VARS1: variants seen among roughly 807,000 people sequenced by gnomAD.
The protein encoded by VARS1 is valine--tRNA ligase.
A neutral mutation model predicts 161.0 loss-of-function variants in VARS1; 92 were observed. The ratio of observed to expected loss-of-function variants is 0.57; its 90% confidence interval spans 0.48 to 0.68. The LOEUF is 0.68. Among genes scored for constraint, VARS1 ranks in the 30% least tolerant of loss-of-function variants. The probability of loss-of-function intolerance (pLI) is 0.00; values close to 1 mark genes in which losing one functional copy is unlikely to be tolerated. For synonymous variants in VARS1, 595 were observed against 682.5 expected, an observed-to-expected ratio of 0.87 and a Z score of 2.00; for missense variants, 1,338 against 1,695.9, an observed-to-expected ratio of 0.79 and a Z score of 3.71.
At chr6:31,788,191 G>T (rs987265810) in intron 8 of VARS1, among the ~76,000 whole-genome samples, 1 of 152,060 alleles carries the variant, frequency 6.6e-6, no homozygotes, top group African/African-American at 2.4e-5. Flanking sequence ...CTTGGCCATT[G>T]TATGTTATGT....
intron 2 of VARS1, among the ~76,000 whole-genome samples, chr6:31,793,713 T>C (rs1312764360): frequency 6.6e-6 from 1 of 152,070 alleles, no homozygotes; most frequent in Non-Finnish European, 1.5e-5. Context: ...CCTGACCTGG[T>C]AGAGTTAACA....
chr6:31,794,746 T>C, intron 2 of VARS1, 85 bp downstream of exon 2: 1 of 1,461,108 alleles, frequency 6.8e-7, no homozygotes, highest in South Asian at 1.4e-5. Flanking sequence ...TCTGATGTAC[T>C]ACCTTCTTGT....
chr6:31,781,714 A>G lies in VARS1; in HGVS notation c.2395T>C (p.Ser799Pro). ...ACCTGGTTGGGCCAGCCCAAAATGG[A>G]TAAGGGGAAGAGGCCAGAGGAGAAC... The part of the protein sequence containing the change: ...TWFSSGLFPL[S>P]ILGWPNQSED... The change falls in exon 20 of 30, where the codon TCC (serine) becomes CCC (proline). Residue 799 changes from serine (S) to proline (P), a missense_variant. Around this residue, in one of 3 missense-constraint regions of VARS1, gnomAD observed 902 missense variants for 1,090.3 expected, o/e 0.83. Transcript: ENST00000375663. This position sits in a 1 kb window ranked among gnomAD's most constrained non-coding sequence, Gnocchi z 6.8. 1 of 1,612,996 alleles carries G rather than the reference A, an allele frequency of 6.2e-7. No individual in the cohort carries two copies. Among genetic ancestry groups the G allele is most frequent in the Non-Finnish European group, 8.5e-7 (1 of 1,179,996 alleles).
Position 31,784,616 on chromosome 6 carries a change from G to C in VARS1, c.1446C>G (p.Asn482Lys). Reference protein sequence around the residue: ...TRLVNWSCTLNSAISDIEVDK... With the variant: ...TRLVNWSCTLKSAISDIEVDK... The stretch of plus-strand genomic sequence containing the variant: ...GCACCTCAATGTCAGAGATGGCGGA[G>C]TTGAGGGTGCAGGACCAGTTAACAA... Residue 482 changes from asparagine (N) to lysine (K), a missense_variant, in exon 11 of 30, where the codon AAC becomes AAG. This residue lies in a region of VARS1 where 902 missense variants were observed against 1,090.3 expected (regional missense o/e 0.83). Transcript: ENST00000375663. The surrounding 1 kb of genome is among the most constrained non-coding windows in gnomAD (Gnocchi z 6.1). 6.2e-7 allele frequency: 1 copy of C among 1,613,244 alleles called. No homozygotes were observed. The highest frequency in any genetic ancestry group is 8.5e-7 in the Non-Finnish European group (1 of 1,180,050).
In VARS1 at chr6:31,777,677, G is replaced by A; in HGVS notation, c.3727-15C>T. The A allele has an allele frequency of 1.9e-6, 3 of 1,611,712 alleles. No individual in the cohort carries two copies. Among genetic ancestry groups the A allele is most frequent in the Non-Finnish European group, 2.5e-6 (3 of 1,178,994 alleles). ...GTCTGTTGGAGCTGGAGTGGAACCA[G>A]GGGGTGGGTGAGGACCCAGGTCCAA... On this transcript the variant is annotated splice_polypyrimidine_tract_variant and intron_variant, in intron 29 of 29. Coordinates refer to ENST00000375663, the MANE Select transcript of VARS1 (RefSeq NM_006295.3). This position sits in a 1 kb window ranked among gnomAD's most constrained non-coding sequence, Gnocchi z 5.8.
intron 8 of VARS1, among the ~76,000 whole-genome samples, chr6:31,789,956 G>A (rs879333451): frequency 2.0e-5 from 3 of 151,852 alleles, no homozygotes; most frequent in African/African-American, 4.8e-5. Flanking sequence ...CGTGGGAGGC[G>A]GAGTTTGGAG....
intron 8 of VARS1, among the ~76,000 whole-genome samples, chr6:31,788,145 T>C (rs12191348): frequency 2.7e-5 from 4 of 149,410 alleles, no homozygotes; most frequent in East Asian, 2.0e-4. Flanking sequence ...AATTGAAAAA[T>C]TGAAAAAACA....
chr6:31,784,067 C>T lies in VARS1; in HGVS notation c.1671+147G>A. Reference sequence around the variant, plus strand: ...CCCCAAACAGTCCCCAATAGCTCTACCCTCAGAGCTGGGAAAGAAGCTGAA... The same window carrying T: ...CCCCAAACAGTCCCCAATAGCTCTATCCTCAGAGCTGGGAAAGAAGCTGAA... On this transcript the variant is annotated intron_variant, in intron 13 of 29. Coordinates refer to ENST00000375663, the MANE Select transcript of VARS1 (RefSeq NM_006295.3). This position sits in a 1 kb window ranked among gnomAD's most constrained non-coding sequence, Gnocchi z 6.1. The T allele has an allele frequency of 2.3e-6, 2 of 871,598 alleles. No individual in the cohort carries two copies. The highest frequency in any genetic ancestry group is 1.6e-5 in the South Asian group (1 of 63,168). 54.0% of individuals were successfully genotyped at this position (871,598 alleles called of 1,614,324 possible).
chr6:31,794,700 G>C (rs1814140516), intron 2 of VARS1, 131 bp downstream of exon 2: 4 of 1,305,144 alleles, frequency 3.1e-6, no homozygotes, highest in Non-Finnish European at 4.1e-6. Flanking sequence ...TACCATACCA[G>C]TTGGCAATCT....
In VARS1 at chr6:31,777,632, C is replaced by T; in HGVS notation, c.3757G>A (p.Val1253Met). Residue 1253 changes from valine to methionine, a missense_variant, in exon 30 of 30, where the codon GTG becomes ATG. By Grantham distance (21) the Val-to-Met change is conservative. This residue lies in a region of VARS1 where 433 missense variants were observed against 586.2 expected (regional missense o/e 0.74). Coordinates refer to ENST00000375663, the MANE Select transcript of VARS1 (RefSeq NM_006295.3). This position sits in a 1 kb window ranked among gnomAD's most constrained non-coding sequence, Gnocchi z 5.8. Reference protein sequence around the residue: ...LQQTEAELRKVDEAIALFQKM... With the variant: ...LQQTEAELRKMDEAIALFQKM... ...TGGAATAGGGCGATGGCCTCATCCA[C>T]CTTCCTGAGCTCTGCTTCTGTCTGT... 6.2e-7 allele frequency: 1 copy of T among 1,613,992 alleles called. No homozygotes were observed. Among genetic ancestry groups the T allele is most frequent in the Admixed American group, 1.7e-5 (1 of 60,002 alleles).
chr6:31,777,676 A>C lies in VARS1; in HGVS notation c.3727-14T>G. The stretch of plus-strand genomic sequence containing the variant: ...TGTCTGTTGGAGCTGGAGTGGAACC[A>C]GGGGGTGGGTGAGGACCCAGGTCCA... On this transcript the variant is annotated splice_polypyrimidine_tract_variant and intron_variant, in intron 29 of 29. Transcript: ENST00000375663. The surrounding 1 kb of genome is among the most constrained non-coding windows in gnomAD (Gnocchi z 5.8). The C allele has an allele frequency of 1.2e-6, 2 of 1,612,112 alleles. No individual in the cohort carries two copies. The highest frequency in any genetic ancestry group is 1.7e-6 in the Non-Finnish European group (2 of 1,179,112).
chr6:31,784,720 G>A lies in VARS1; in HGVS notation c.1348-6C>T. ...GTCACAGCTGCTGAGAGTTTCTGGG[G>A]TGGAGGAGGGAGAAGTCAGAGAGAT... is the stretch of plus-strand genomic sequence containing the variant. On this transcript the variant is annotated splice_polypyrimidine_tract_variant and splice_region_variant and intron_variant, in intron 10 of 29. Transcript: ENST00000375663. This position sits in a 1 kb window ranked among gnomAD's most constrained non-coding sequence, Gnocchi z 6.1. 1 of 1,613,002 alleles carries A rather than the reference G, an allele frequency of 6.2e-7. No individual in the cohort carries two copies.
intron 2 of VARS1, 101 bp from the exon 3 acceptor site, chr6:31,793,221 C>G: frequency 7.0e-7 from 1 of 1,434,042 alleles, no homozygotes; most frequent in South Asian, 1.4e-5. Flanking sequence ...TCTCACAAAT[C>G]ACCACCTCTG....
At chr6:31,786,819 A>G (rs1213065650) in intron 8 of VARS1, among the ~76,000 whole-genome samples, 2 of 152,236 alleles carry the variant, frequency 1.3e-5, no homozygotes, top group Middle Eastern at 3.4e-3. Context: ...GAAAGTTGGC[A>G]CTTCCTATCA....
chr6:31,789,376 A>G (rs1309649023), intron 8 of VARS1, among the ~76,000 whole-genome samples: 1 of 152,232 alleles, frequency 6.6e-6, no homozygotes, highest in African/African-American at 2.4e-5. Flanking sequence ...CACAACTTCA[A>G]TAGCAATCAG....
chr6:31,781,364 C>T lies in VARS1; in HGVS notation c.2544+117G>A, dbSNP rs374733165. ...TGGATTTCAACCCCACACCAGCCCC[C>T]GGGTCAGGCCTGCCCACAGCTAACC... On this transcript the variant is annotated intron_variant, in intron 21 of 29. Coordinates refer to ENST00000375663, the MANE Select transcript of VARS1 (RefSeq NM_006295.3). The surrounding 1 kb of genome is among the most constrained non-coding windows in gnomAD (Gnocchi z 6.8). The T allele has an allele frequency of 3.8e-5, 56 of 1,455,690 alleles. No individual in the cohort carries two copies. The highest frequency in any genetic ancestry group is 5.0e-5 in the Non-Finnish European group (55 of 1,090,748). The allele number at this position is 1,455,690 out of a possible 1,614,324, so 90.2% of individuals were successfully genotyped here. A position where few individuals can be genotyped will look rare whatever the true frequency, so the allele number is the denominator to read the frequency against.
Position 31,779,068 on chromosome 6 carries a change from C to T in VARS1, c.3625G>A (p.Val1209Ile). The T allele has an allele frequency of 1.2e-6, 2 of 1,612,596 alleles. No homozygotes were observed. The highest frequency in any genetic ancestry group is 1.1e-5 in the South Asian group (1 of 91,026). ...CGCTGGGCCTGCCGCTGGGCCTCAA[C>T]TCGCTTGGCTTGCAGCTTGCCCAGC... ...RELGKLQAKR[V>I]EAQRQAQRLR... is the part of the protein sequence containing the mutation. The change falls in exon 29 of 30, where the codon GTT becomes ATT. Residue 1209 changes from valine (V) to isoleucine (I), a missense_variant. Physicochemically the swap from Val to Ile is conservative, Grantham distance 29. Around this residue, in one of 3 missense-constraint regions of VARS1, gnomAD observed 433 missense variants for 586.2 expected, o/e 0.74. Transcript: ENST00000375663. This position sits in a 1 kb window ranked among gnomAD's most constrained non-coding sequence, Gnocchi z 9.1.
intron 2 of VARS1, 149 bp from the exon 3 acceptor site, chr6:31,793,269 A>G: frequency 2.6e-6 from 3 of 1,159,232 alleles, no homozygotes; most frequent in Non-Finnish European, 2.3e-6. Context: ...CAATAAAAAT[A>G]CTTCTGGGCG....
Position 31,777,715 on chromosome 6 carries a change from C to G in VARS1, c.3727-53G>C. On this transcript the variant is annotated intron_variant, in intron 29 of 29. Coordinates refer to ENST00000375663, the MANE Select transcript of VARS1 (RefSeq NM_006295.3). This position sits in a 1 kb window ranked among gnomAD's most constrained non-coding sequence, Gnocchi z 5.8. Reference sequence around the variant, plus strand: ...GACCCAGGTCCAAGTGAAGAGACCCCCAAACACCCAGGACAACAAAGTTGG... The same window carrying G: ...GACCCAGGTCCAAGTGAAGAGACCCGCAAACACCCAGGACAACAAAGTTGG... 5 of 1,582,288 alleles carry G rather than the reference C, an allele frequency of 3.2e-6. No homozygotes were observed. The highest frequency in any genetic ancestry group is 4.3e-6 in the Non-Finnish European group (5 of 1,161,214).
Sources: gnomAD v4.1 joint callset for allele counts (sites outside exome capture counted in the v4.1 genomes callset) on GRCh38, gnomAD v4.1.1 for gene constraint, gnomAD v4.1.1 regional missense constraint, Gnocchi (gnomAD v3.1) non-coding constraint, MANE v1.5 for transcripts, NCBI Gene and HGNC (gene_info 2026-07-23, HGNC 2026-07-21) for gene names.